Variants in ATP9A observed in about 807,000 individuals in gnomAD.
ATP9A encodes ATPase phospholipid transporting 9A, also known as probable phospholipid-transporting ATPase IIA.
ATP9A carries 52 observed loss-of-function variants against 144.1 expected under a neutral mutation model. The observed-to-expected ratio is 0.36, with a 90% confidence interval of 0.29 to 0.45. ATP9A has a LOEUF of 0.45. ATP9A is among the 20% of genes least tolerant of loss of function. The pLI, the probability that ATP9A is intolerant of heterozygous loss-of-function variation, is 1.00. For missense variants in ATP9A, 947 were observed against 1,392.7 expected (o/e 0.68, Z 5.09); for synonymous variants, 582 against 557.4 (o/e 1.04, Z -0.62).
chr20:51,609,582 G>C (rs2077177301), intron 24 of ATP9A, among the ~76,000 whole-genome samples: 1 of 152,150 alleles, frequency 6.6e-6, no homozygotes, highest in East Asian at 1.9e-4. Flanking sequence ...TGGGTTTGCA[G>C]GCTGCAAAGG....
intron 9 of ATP9A, among the ~76,000 whole-genome samples, chr20:51,681,999 G>A (rs1323273523): frequency 6.6e-6 from 1 of 152,138 alleles, no homozygotes; most frequent in African/African-American, 2.4e-5. Context: ...AGGGAGTGGA[G>A]GGAGCTTCTT....
chr20:51,748,428 C>A (rs2077817272), intron 1 of ATP9A, among the ~76,000 whole-genome samples: 1 of 152,176 alleles, frequency 6.6e-6, no homozygotes. Context: ...AGTCCAGTTC[C>A]TACACAAGCC....
intron 9 of ATP9A, among the ~76,000 whole-genome samples, chr20:51,676,874 C>T (rs553035049): frequency 7.8e-4 from 119 of 151,598 alleles, no homozygotes; most frequent in African/African-American, 2.7e-3. Context: ...CCTCGGCCTC[C>T]CAAAGTTCTG....
intron 1 of ATP9A, among the ~76,000 whole-genome samples, chr20:51,762,873 C>CT (rs1176377289): frequency 7.3e-5 from 11 of 151,636 alleles, no homozygotes; most frequent in Admixed American, 5.9e-4. Context: ...CCATGCCTGG[C>CT]TTTTTTTATT....
chr20:51,764,464 G>A (rs2077895156), intron 1 of ATP9A, among the ~76,000 whole-genome samples: 1 of 152,196 alleles, frequency 6.6e-6, no homozygotes, highest in South Asian at 2.1e-4. Flanking sequence ...TTGAAGCCAG[G>A]AGATTCCTCC....
At chr20:51,686,958 T>TA (rs1284057627) in intron 9 of ATP9A, among the ~76,000 whole-genome samples, 8 of 150,250 alleles carry the variant, frequency 5.3e-5, no homozygotes, top group African/African-American at 1.7e-4. Flanking sequence ...ACTAGTAACT[T>TA]ACAAAGAAAC....
chr20:51,689,127 G>C lies in ATP9A; in HGVS notation c.736C>G (p.Pro246Ala), dbSNP rs758888409. ...ATGCTCAGGCTCTCGCTGATCGGGGGGTCGCTGTCTTCCTGGAAAAGACCA... is the reference window on the plus strand; with the variant it reads ...ATGCTCAGGCTCTCGCTGATCGGGGCGTCGCTGTCTTCCTGGAAAAGACCA... ...VGTFTREDSDPPISESLSIEN... is the reference protein window; with the variant it reads ...VGTFTREDSDAPISESLSIEN... Residue 246 changes from proline to alanine, a missense_variant, in exon 9 of 28, where the codon CCC (proline) becomes GCC (alanine). Physicochemically the swap from Pro to Ala is conservative, Grantham distance 27. Coordinates refer to ENST00000338821, the MANE Select transcript of ATP9A (RefSeq NM_006045.3). The C allele has an allele frequency of 6.2e-7, 1 of 1,613,824 alleles. No homozygotes were observed. Among genetic ancestry groups the C allele is most frequent in the Non-Finnish European group, 8.5e-7 (1 of 1,179,966 alleles).
At chr20:51,668,514 A>C (rs908947267) in intron 13 of ATP9A, among the ~76,000 whole-genome samples, 1 of 152,026 alleles carries the variant, frequency 6.6e-6, no homozygotes, top group East Asian at 1.9e-4. Flanking sequence ...CCATCCGGGG[A>C]ACAACATAAC....
rs1345979810 is a variant in ATP9A at position 51,610,667 on chromosome 20, G to A, written c.2572-502C>T. Among the ~76,000 whole-genome samples the A allele has an allele frequency of 7.9e-3, 1,206 of 152,164 alleles. 17 individuals carry two copies. The highest frequency in any genetic ancestry group is 0.028 in the African/African-American group (1,147 of 41,502). On this transcript the variant is annotated intron_variant, in intron 23 of 27. Coordinates refer to ENST00000338821, the MANE Select transcript of ATP9A (RefSeq NM_006045.3). ...AGCCCAGCTGTGGCCACAGCTCTGT[G>A]GCCACACTTCTAAACAGCTCGGAAT...
intron 4 of ATP9A, among the ~76,000 whole-genome samples, chr20:51,710,132 T>A (rs547087083): frequency 6.6e-6 from 1 of 152,102 alleles, no homozygotes; most frequent in African/African-American, 2.4e-5. Context: ...TGAAACCCCA[T>A]CTCTACTAAA....
chr20:51,658,954 T>G (rs1453354596), intron 13 of ATP9A, among the ~76,000 whole-genome samples: 2 of 134,242 alleles, frequency 1.5e-5, no homozygotes, highest in Non-Finnish European at 3.0e-5. Context: ...GATCAACACC[T>G]GCCTGCATCT....
chr20:51,730,898 G>A (rs977391364), intron 1 of ATP9A, among the ~76,000 whole-genome samples: 3 of 152,198 alleles, frequency 2.0e-5, no homozygotes, highest in Non-Finnish European at 4.4e-5. Flanking sequence ...GCCAGCCATG[G>A]TGGTTTATGC....
At chr20:51,753,305 C>T (rs747164122) in intron 1 of ATP9A, among the ~76,000 whole-genome samples, 3 of 151,656 alleles carry the variant, frequency 2.0e-5, no homozygotes, top group African/African-American at 4.8e-5. Flanking sequence ...ATTAGCTGGG[C>T]GTGGTGGTGT....
intron 15 of ATP9A, among the ~76,000 whole-genome samples, chr20:51,634,785 G>A (rs2077283909): frequency 6.8e-6 from 1 of 146,360 alleles, no homozygotes; most frequent in Admixed American, 7.2e-5. Context: ...GACCCCGGAG[G>A]CGAAGGTTGC....
chr20:51,746,052 T>A (rs1481753540), intron 1 of ATP9A, among the ~76,000 whole-genome samples: 1 of 152,228 alleles, frequency 6.6e-6, no homozygotes, highest in South Asian at 2.1e-4. Context: ...TGGAGGCTAT[T>A]ATCCTCAGCA....
chr20:51,630,395 G>A (rs754476642), intron 15 of ATP9A, among the ~76,000 whole-genome samples: 9 of 152,144 alleles, frequency 5.9e-5, no homozygotes, highest in South Asian at 2.1e-4. Context: ...ATATGGAACC[G>A]TGGAGACAAA....
chr20:51,723,401 A>G (rs2077697828), intron 3 of ATP9A, among the ~76,000 whole-genome samples: 1 of 151,426 alleles, frequency 6.6e-6, no homozygotes, highest in Non-Finnish European at 1.5e-5. Flanking sequence ...AACCTATAGG[A>G]AAAAAAATGA....
chr20:51,618,648 T>C lies in ATP9A; in HGVS notation c.2350+14A>G. ...GCAGGCCAGGGCCAGCAGCACAGCC[T>C]GAGCCTCGCCTACCTACTGCACAGG... On this transcript the variant is annotated intron_variant, in intron 21 of 27. Transcript: ENST00000338821. 2 of 1,607,152 alleles carry C rather than the reference T, an allele frequency of 1.2e-6. No individual in the cohort carries two copies. The highest frequency in any genetic ancestry group is 1.7e-6 in the Non-Finnish European group (2 of 1,179,224).
In ATP9A at chr20:51,618,951, C is replaced by T. The variant is rs201957645; in HGVS notation, c.2205+3G>A. 2.4e-4 allele frequency: 380 copies of T among 1,613,988 alleles called. 1 individual carries two copies. In the African/African-American group the frequency reaches 4.9e-3, roughly 21 times the overall value. ...ACTGGCTCTCAGGGGTCCCCAAGCT[C>T]ACCTCCAGGGAGTCTCCCGAGATGA... is the stretch of plus-strand genomic sequence containing the variant. On this transcript the variant is annotated splice_donor_region_variant and intron_variant, in intron 20 of 27. Coordinates refer to ENST00000338821, the MANE Select transcript of ATP9A (RefSeq NM_006045.3).
Sources: gnomAD v4.1 joint callset for allele counts (sites outside exome capture counted in the v4.1 genomes callset) on GRCh38, gnomAD v4.1.1 for gene constraint, MANE v1.5 for transcripts, NCBI Gene and HGNC (gene_info 2026-07-23, HGNC 2026-07-21) for gene names.